CFAP43: variants seen among roughly 807,000 people sequenced by gnomAD.
CFAP43 encodes cilia and flagella associated protein 43, also known as cilia- and flagella-associated protein 43.
A neutral mutation model predicts 218.9 loss-of-function variants in CFAP43; 155 were observed. That is an observed-to-expected ratio of 0.71 (90% CI 0.62 to 0.81). CFAP43 has a LOEUF of 0.81. Among genes scored for constraint, CFAP43 ranks in the 30% least tolerant of loss-of-function variants. The pLI is 0.00. For synonymous variants in CFAP43, 645 were observed against 681.3 expected, an observed-to-expected ratio of 0.95 and a Z score of 0.83; for missense variants, 1,778 against 1,954.3, an observed-to-expected ratio of 0.91 and a Z score of 1.70.
intron 13 of CFAP43, 146 bp from the exon 14 acceptor site, chr10:104,187,638 A>C (rs1477537114): frequency 1.5e-6 from 1 of 647,020 alleles, no homozygotes; most frequent in African/African-American, 1.9e-5. Context: ...AAATGATTTA[A>C]AAACACTTGT....
Position 104,188,373 on chromosome 10 carries a change from A to C in CFAP43, c.1584T>G (p.Ser528=). 6.2e-7 allele frequency: 1 copy of C among 1,614,154 alleles called. No homozygotes were observed. Among genetic ancestry groups the C allele is most frequent in the East Asian group, 2.2e-5 (1 of 44,874 alleles). ...CTTCCACTATGTCTGTTTCTAAAAG[A>C]GACACTGTGGATATCTGTAAAATGT... ...AKDILQISTV[S]LLETDIVEVM... is the part of the protein sequence containing the mutation. The change falls in exon 13 of 38, where the codon TCT becomes TCG. Residue 528 remains serine (S), a synonymous_variant. Transcript: ENST00000357060.
chr10:104,130,052 C>G lies in CFAP43; in HGVS notation c.*87G>C, dbSNP rs546803228. 9.8e-6 allele frequency: 14 copies of G among 1,427,520 alleles called. No homozygotes were observed. In the South Asian group the frequency reaches 2.2e-4, roughly 22 times the overall value. The allele number at this position is 1,427,520 out of a possible 1,614,324, so 88.4% of individuals were successfully genotyped here. Reference sequence around the variant, plus strand: ...CAGAGGACATGCTACTTCAATTTCCCAGTAAGAAAGAAAAGGAAATCATTT... The same window carrying G: ...CAGAGGACATGCTACTTCAATTTCCGAGTAAGAAAGAAAAGGAAATCATTT... On this transcript the variant is annotated 3_prime_UTR_variant, in exon 38 of 38. Coordinates refer to ENST00000357060, the MANE Select transcript of CFAP43 (RefSeq NM_025145.7).
chr10:104,213,760 C>T (rs2090932360), intron 4 of CFAP43, among the ~76,000 whole-genome samples: 2 of 152,302 alleles, frequency 1.3e-5, no homozygotes, highest in South Asian at 2.1e-4. Flanking sequence ...TGGTCTCGAT[C>T]TCCTGACCTC....
At chr10:104,217,335 CTTTTCTTTCTTTCTTTCT>C (rs143057527) in intron 3 of CFAP43, among the ~76,000 whole-genome samples, 4,691 of 128,628 alleles carry the variant, frequency 0.036, 244 homozygotes, top group African/African-American at 0.16. Context: ...TTTTTCTTTT[CTTTTCTTTCTTTCTTTCT>C]TTTTCTTTCT....
At chr10:104,188,504 C>T (rs762283715) in intron 12 of CFAP43, 94 bp from the exon 13 acceptor site, 4 of 1,450,458 alleles carry the variant, frequency 2.8e-6, no homozygotes, top group Admixed American at 2.0e-5. Flanking sequence ...ATGGACTTGC[C>T]TTCACTATAT....
At chr10:104,169,790 T>C (rs746472330) in intron 20 of CFAP43, among the ~76,000 whole-genome samples, 1 of 152,324 alleles carries the variant, frequency 6.6e-6, no homozygotes, top group Non-Finnish European at 1.5e-5. Flanking sequence ...TAATAGCTAA[T>C]ATAGTTTTAA....
intron 4 of CFAP43, 38 bp downstream of exon 4, chr10:104,214,221 G>A (rs2090950268): frequency 2.0e-6 from 3 of 1,517,612 alleles, no homozygotes; most frequent in Non-Finnish European, 2.7e-6. Context: ...TGCAAACAAA[G>A]ACCACCATGT....
intron 28 of CFAP43, among the ~76,000 whole-genome samples, chr10:104,151,678 G>T (rs1351767549): frequency 6.6e-6 from 1 of 152,122 alleles, no homozygotes; most frequent in Non-Finnish European, 1.5e-5. Context: ...CTCCCATTCT[G>T]TAGGTTGTCT....
intron 16 of CFAP43, among the ~76,000 whole-genome samples, 170 bp downstream of exon 16, chr10:104,184,846 G>A (rs1373745191): frequency 6.6e-6 from 1 of 152,108 alleles, no homozygotes; most frequent in Non-Finnish European, 1.5e-5. Context: ...GCCCCATGTG[G>A]TACCCGAGAA....
At chr10:104,191,991 T>C (rs898564082) in intron 12 of CFAP43, among the ~76,000 whole-genome samples, 2 of 152,198 alleles carry the variant, frequency 1.3e-5, no homozygotes, top group African/African-American at 4.8e-5. Context: ...GCACCAACTA[T>C]GTACCAAGCA....
rs747162721 is a variant in CFAP43, at chr10:104,166,567, C to G, written c.2960G>C (p.Gly987Ala). The G allele has an allele frequency of 6.8e-6, 11 of 1,613,952 alleles. No homozygotes were observed. The East Asian group carries it at 1.8e-4, about 26-fold the overall frequency. The change falls in exon 23 of 38, where the codon GGG becomes GCG. Residue 987 changes from glycine (G) to alanine (A), a missense_variant. Gly to Ala is a moderately conservative substitution (Grantham distance 60). Coordinates refer to ENST00000357060, the MANE Select transcript of CFAP43 (RefSeq NM_025145.7). Reference protein sequence around the residue: ...YLLGSLSTDFGVDTSLLSSQL... With the variant: ...YLLGSLSTDFAVDTSLLSSQL... The stretch of plus-strand genomic sequence containing the variant: ...GCTTGACAATAAAGAGGTATCTACC[C>G]CAAAATCAGTACTCAGACTACCAAG...
chr10:104,182,220 A>G lies in CFAP43; in HGVS notation c.2289+146T>C, dbSNP rs1209336878. The G allele has an allele frequency of 6.1e-6, 5 of 819,192 alleles. No individual in the cohort carries two copies. The East Asian group carries it at 1.5e-4, about 25-fold the overall frequency. 50.7% of individuals were successfully genotyped at this position (819,192 alleles called of 1,614,324 possible). A position where few individuals can be genotyped will look rare whatever the true frequency, so the allele number is the denominator to read the frequency against. On this transcript the variant is annotated intron_variant, in intron 17 of 37. Transcript: ENST00000357060. ...AGGCTGAATATTTTCTCTCAGACGTAGCTTATTCCCTTTTTGAAAATCATG... is the reference window on the plus strand; with the variant it reads ...AGGCTGAATATTTTCTCTCAGACGTGGCTTATTCCCTTTTTGAAAATCATG...
Position 104,225,505 on chromosome 10 carries a change from G to A in CFAP43, c.372C>T (p.Tyr124=). The change falls in exon 3 of 38, where the codon TAC becomes TAT. Residue 124 remains tyrosine, a synonymous_variant. Transcript: ENST00000357060. ...TLLSFSYCGT[Y]LASYSSLPEF... The stretch of plus-strand genomic sequence containing the variant: ...CTGGGAGAGAGGAGTAACTAGCCAG[G>A]TAGGTGCCACAGTAACTGAATGAAA... 1 of 1,613,050 alleles carries A rather than the reference G, an allele frequency of 6.2e-7. No individual in the cohort carries two copies. The highest frequency in any genetic ancestry group is 8.5e-7 in the Non-Finnish European group (1 of 1,179,382).
intron 8 of CFAP43, among the ~76,000 whole-genome samples, chr10:104,203,250 A>G (rs1026334198): frequency 1.3e-5 from 2 of 152,176 alleles, no homozygotes; most frequent in Non-Finnish European, 2.9e-5. Flanking sequence ...CAGTCAGTCC[A>G]ATGAGTCTAG....
intron 17 of CFAP43, among the ~76,000 whole-genome samples, chr10:104,181,046 T>C (rs1345671938): frequency 6.6e-6 from 1 of 152,180 alleles, no homozygotes; most frequent in Non-Finnish European, 1.5e-5. Flanking sequence ...CCAAGGTTCA[T>C]CTATCCAATG....
intron 12 of CFAP43, among the ~76,000 whole-genome samples, 200 bp from the exon 13 acceptor site, chr10:104,188,610 A>T (rs939781228): frequency 3.3e-5 from 5 of 152,190 alleles, no homozygotes. Flanking sequence ...TCTCCTGATT[A>T]GATGTCTAGA....
intron 21 of CFAP43, 90 bp downstream of exon 21, chr10:104,168,654 C>G: frequency 9.3e-7 from 1 of 1,080,320 alleles, no homozygotes; most frequent in East Asian, 2.4e-5. Flanking sequence ...CTTTGCTATG[C>G]CTGAATTTTC....
chr10:104,147,870 GA>G lies in CFAP43; in HGVS notation c.3768+20del. The G allele has an allele frequency of 6.5e-7, 1 of 1,540,274 alleles. No individual in the cohort carries two copies. Among genetic ancestry groups the G allele is most frequent in the Non-Finnish European group, 8.8e-7 (1 of 1,132,020 alleles). Reference sequence around the variant, plus strand: ...GTCTATCAGAAAATGCTTGTATTCAGATTTCAGACACTATTCTTACTTTCTC... The same window carrying G: ...GTCTATCAGAAAATGCTTGTATTCAGTTTCAGACACTATTCTTACTTTCTC... On this transcript the variant is annotated intron_variant, in intron 29 of 37. Coordinates refer to ENST00000357060, the MANE Select transcript of CFAP43 (RefSeq NM_025145.7).
chr10:104,135,636 T>C (rs544183434), intron 34 of CFAP43, among the ~76,000 whole-genome samples: 11 of 151,746 alleles, frequency 7.2e-5, no homozygotes, highest in Non-Finnish European at 1.2e-4. Context: ...TACAATAATA[T>C]CAGAAAGAAA....
Sources: allele counts gnomAD v4.1 joint callset (sites outside exome capture counted in the v4.1 genomes callset), GRCh38; gene constraint gnomAD v4.1.1; transcripts MANE v1.5; gene names NCBI Gene and HGNC (gene_info 2026-07-23, HGNC 2026-07-21).